The following CDH10 variants were observed in gnomAD, a reference collection of about 807,000 sequenced individuals.
The protein encoded by CDH10 is cadherin 10, also known as cadherin-10.
CDH10 carries 30 observed loss-of-function variants against 73.1 expected under a neutral mutation model. The ratio of observed to expected loss-of-function variants is 0.41; its 90% CI spans 0.31 to 0.56. The LOEUF (loss-of-function observed/expected upper bound fraction) is 0.56. Among genes scored for constraint, CDH10 ranks in the 20% least tolerant of loss-of-function variants. CDH10 has a pLI of 0.27. For missense variants in CDH10, 815 were observed against 973.7 expected (o/e 0.84, Z 2.17); for synonymous variants, 345 against 348.2 (o/e 0.99, Z 0.10).
At chr5:24,610,111 T>G (rs561462952) in intron 1 of CDH10, 1 of 152,364 alleles carries the variant, frequency 6.6e-6, no homozygotes, top group African/African-American at 2.4e-5. Flanking sequence ...GATCATTGTT[T>G]GGAGGGCCTA....
intron 8 of CDH10, among the ~76,000 whole-genome samples, chr5:24,499,164 T>G (rs1742400615): frequency 6.6e-6 from 1 of 152,226 alleles, no homozygotes; most frequent in Admixed American, 6.5e-5. Context: ...AAAATTTTAT[T>G]ATATGGCTAC....
intron 1 of CDH10, among the ~76,000 whole-genome samples, chr5:24,607,431 A>G (rs1331353100): frequency 1.3e-5 from 2 of 152,236 alleles, no homozygotes; most frequent in Non-Finnish European, 2.9e-5. Context: ...CGCATTATTT[A>G]TAAGAAGGAA....
intron 2 of CDH10, among the ~76,000 whole-genome samples, chr5:24,566,042 T>C (rs567885536): frequency 2.6e-5 from 4 of 152,212 alleles, no homozygotes; most frequent in South Asian, 2.1e-4. Context: ...AATAACATCA[T>C]AGTTTTTTGT....
intron 5 of CDH10, 133 bp from the exon 6 acceptor site, chr5:24,511,647 TAAACTC>T (rs1321387663): frequency 3.4e-6 from 2 of 594,236 alleles, no homozygotes; most frequent in African/African-American, 3.8e-5. Flanking sequence ...TAATAGATCT[TAAACTC>T]TAAATCAGAT....
chr5:24,585,373 AG>A (rs1191771126), intron 2 of CDH10, among the ~76,000 whole-genome samples: 1 of 152,120 alleles, frequency 6.6e-6, no homozygotes, highest in African/African-American at 2.4e-5. Flanking sequence ...GGCCTCTAGA[AG>A]GGTCATAGTC....
chr5:24,550,839 T>C (rs778417785), intron 2 of CDH10, among the ~76,000 whole-genome samples: 2 of 152,206 alleles, frequency 1.3e-5, no homozygotes, highest in Non-Finnish European at 2.9e-5. Context: ...TGACTTCTAA[T>C]GTATCTCCAA....
intron 1 of CDH10, among the ~76,000 whole-genome samples, chr5:24,637,204 C>T (rs1747893653): frequency 6.6e-6 from 1 of 151,898 alleles, no homozygotes; most frequent in Non-Finnish European, 1.5e-5. Context: ...TCCCTGTCTT[C>T]CCAAGTTTGT....
chr5:24,594,757 C>T (rs552694753), intron 1 of CDH10, among the ~76,000 whole-genome samples: 3 of 152,078 alleles, frequency 2.0e-5, no homozygotes, highest in East Asian at 3.9e-4. Context: ...CCACCCCTGA[C>T]ATTTCATATA....
chr5:24,487,879 C>T lies in CDH10; in HGVS notation c.2151G>A (p.Arg717=), dbSNP rs751881000. 2 of 1,613,868 alleles carry T rather than the reference C, an allele frequency of 1.2e-6. No individual in the cohort carries two copies. Among genetic ancestry groups the T allele is most frequent in the South Asian group, 1.1e-5 (1 of 91,068 alleles). ...NTDVRDFINE[R]LKEHDLDPTA... ...TGGGGTCAAGATCATGCTCTTTTAGCCTTTCATTAATGAAATCCCGGACGT... is the reference window on the plus strand; with the variant it reads ...TGGGGTCAAGATCATGCTCTTTTAGTCTTTCATTAATGAAATCCCGGACGT... The change falls in exon 12 of 12, where the codon AGG becomes AGA. Residue 717 remains arginine (R), a synonymous_variant. Transcript: ENST00000264463.
chr5:24,536,008 ATAATAT>A (rs1247973078), intron 3 of CDH10, among the ~76,000 whole-genome samples, 186 bp from the exon 4 acceptor site: 1 of 152,168 alleles, frequency 6.6e-6, no homozygotes, highest in African/African-American at 2.4e-5. Flanking sequence ...GTTCAAATAC[ATAATAT>A]TTATTTAGTC....
At chr5:24,584,628 G>A (rs758726552) in intron 2 of CDH10, among the ~76,000 whole-genome samples, 6 of 151,294 alleles carry the variant, frequency 4.0e-5, no homozygotes, top group Admixed American at 2.0e-4. Flanking sequence ...GTGCCACCAC[G>A]TCTGGCTAAT....
At position 24,492,921 on chromosome 5, in the gene CDH10, AT is replaced by A. The variant is rs2111650994; in HGVS notation, c.1519del (p.Ile507TyrfsTer4). 1 of 1,404,584 alleles carries A rather than the reference AT, an allele frequency of 7.1e-7. No individual in the cohort carries two copies. The highest frequency in any genetic ancestry group is 1.0e-6 in the Non-Finnish European group (1 of 990,202). 87.0% of individuals were successfully genotyped at this position (1,404,584 alleles called of 1,614,324 possible). ...TTTGTCTACTGCACTTATAGTCTGT[AT>A]TAGCTGCAGAAAAAGAAAAATATAT... ...VCENARPGQLIQTISAVDKDD... is the reference protein window; with the variant it reads ...VCENARPGQLXQTISAVDKDD... On this transcript the variant is annotated frameshift_variant, in exon 10 of 12. Coordinates refer to ENST00000264463, the MANE Select transcript of CDH10 (RefSeq NM_006727.5). LOFTEE classifies it high-confidence loss of function.
At chr5:24,559,130 C>CAAAT (rs10689765) in intron 2 of CDH10, among the ~76,000 whole-genome samples, 125,480 of 151,512 alleles carry the variant, frequency 0.83, 51,995 homozygotes, top group East Asian at 0.9. Flanking sequence ...TTATTGTACA[C>CAAAT]AAATATGCTG....
At chr5:24,572,136 A>C (rs911037388) in intron 2 of CDH10, among the ~76,000 whole-genome samples, 4 of 152,144 alleles carry the variant, frequency 2.6e-5, no homozygotes, top group African/African-American at 9.7e-5. Context: ...ATTATCTTGG[A>C]GCTCTGTCTG....
intron 1 of CDH10, among the ~76,000 whole-genome samples, chr5:24,632,886 TTGATGA>T (rs547989838): frequency 6.6e-6 from 1 of 151,550 alleles, no homozygotes; most frequent in East Asian, 1.9e-4. Context: ...TACTCAGGTT[TTGATGA>T]TGATGATGAT....
At chr5:24,636,905 C>T (rs1747886128) in intron 1 of CDH10, among the ~76,000 whole-genome samples, 1 of 151,788 alleles carries the variant, frequency 6.6e-6, no homozygotes, top group Non-Finnish European at 1.5e-5. Context: ...AAGGGAAGCA[C>T]CAATTCAAAA....
At chr5:24,534,250 G>A (rs999344734) in intron 5 of CDH10, among the ~76,000 whole-genome samples, 1 of 152,048 alleles carries the variant, frequency 6.6e-6, no homozygotes, top group Middle Eastern at 3.4e-3. Flanking sequence ...CCAATTCAGA[G>A]GTTAATATTC....
At chr5:24,581,289 C>A (rs895969973) in intron 2 of CDH10, among the ~76,000 whole-genome samples, 1 of 152,156 alleles carries the variant, frequency 6.6e-6, no homozygotes, top group African/African-American at 2.4e-5. Context: ...GTAACTATTT[C>A]TTCTTCATGA....
chr5:24,502,234 T>A (rs1742528616), intron 8 of CDH10, among the ~76,000 whole-genome samples: 1 of 152,118 alleles, frequency 6.6e-6, no homozygotes. Context: ...CACATAGCAT[T>A]TTAAAATATT....
Sources: allele counts gnomAD v4.1 joint callset (sites outside exome capture counted in the v4.1 genomes callset), GRCh38; gene constraint gnomAD v4.1.1; transcripts MANE v1.5; gene names NCBI Gene and HGNC (gene_info 2026-07-23, HGNC 2026-07-21).